Variants in ZSWIM5 observed in about 807,000 individuals in gnomAD.
ZSWIM5 encodes the protein zinc finger SWIM-type containing 5.
In ZSWIM5, 55 loss-of-function variants were observed where a neutral mutation model predicts 119.6. The ratio of observed to expected loss-of-function variants is 0.46; its 90% CI spans 0.37 to 0.58. The LOEUF is 0.58. Among genes scored for constraint, ZSWIM5 ranks in the 20% least tolerant of loss-of-function variants. The pLI is 0.00. For missense variants in ZSWIM5, 1,193 were observed against 1,512.8 expected, an observed-to-expected ratio of 0.79 and a Z score of 3.51; for synonymous variants, 537 against 606.9, an observed-to-expected ratio of 0.88 and a Z score of 1.69.
At position 45,032,765 on chromosome 1, in the gene ZSWIM5, G is replaced by A. The variant is rs796971888; in HGVS notation, c.2449+1547C>T. 1.3e-4 allele frequency among the ~76,000 whole-genome samples: 19 copies of A among 151,680 alleles called. 1 individual carries two copies. The highest frequency in any genetic ancestry group is 4.4e-4 in the African/African-American group (18 of 41,358). On this transcript the variant is annotated intron_variant, in intron 11 of 13. Transcript: ENST00000359600. ...GCCTCCTAAAGTGCTAGGATTATAGGTGTGAGCCACCGTGCCTGGCCTGAT... is the reference window on the plus strand; with the variant it reads ...GCCTCCTAAAGTGCTAGGATTATAGATGTGAGCCACCGTGCCTGGCCTGAT...
At position 45,019,080 on chromosome 1, in the gene ZSWIM5, T is replaced by C. The variant is rs1644872014; in HGVS notation, c.2932A>G (p.Ile978Val). Residue 978 changes from isoleucine to valine, a missense_variant, in exon 14 of 14, where the codon ATT becomes GTT. Ile to Val is a conservative substitution (Grantham distance 29). Coordinates refer to ENST00000359600, the MANE Select transcript of ZSWIM5 (RefSeq NM_020883.2). This position sits in a 1 kb window ranked among gnomAD's most constrained non-coding sequence, Gnocchi z 5.0. ...ATCTGGTAGGCTGCCTCAAAGGCAA[T>C]GTGGTCTTTCTCACAGAGTGTAAGG... ...SALTLCEKDH[I>V]AFEAAYQIAI... is the part of the protein sequence containing the mutation. The C allele has an allele frequency of 6.2e-7, 1 of 1,614,140 alleles. No individual in the cohort carries two copies. Among genetic ancestry groups the C allele is most frequent in the African/African-American group, 1.3e-5 (1 of 75,028 alleles).
At chr1:45,069,382 T>C (rs998898852) in intron 2 of ZSWIM5, among the ~76,000 whole-genome samples, 14 of 150,650 alleles carry the variant, frequency 9.3e-5, no homozygotes, top group Non-Finnish European at 8.8e-5. Context: ...GCCAAGATCG[T>C]GCCACTGCAC....
chr1:45,180,562 C>G (rs1646010592), intron 1 of ZSWIM5, among the ~76,000 whole-genome samples: 1 of 152,180 alleles, frequency 6.6e-6, no homozygotes, highest in Non-Finnish European at 1.5e-5. Context: ...CCCTGTCTGA[C>G]AGCTTTAAGG....
intron 1 of ZSWIM5, among the ~76,000 whole-genome samples, chr1:45,191,892 C>T (rs879803796): frequency 6.6e-6 from 1 of 152,164 alleles, no homozygotes; most frequent in Non-Finnish European, 1.5e-5. Context: ...TTGAGAGGTA[C>T]ACAACTTTGA....
intron 2 of ZSWIM5, 64 bp from the exon 3 acceptor site, chr1:45,060,311 G>C: frequency 6.4e-7 from 1 of 1,558,622 alleles, no homozygotes; most frequent in Non-Finnish European, 8.7e-7. Context: ...TCAGCTGGAG[G>C]GGCACTTTGT....
At chr1:45,162,121 T>C (rs901419058) in intron 1 of ZSWIM5, among the ~76,000 whole-genome samples, 1 of 152,228 alleles carries the variant, frequency 6.6e-6, no homozygotes, top group African/African-American at 2.4e-5. Flanking sequence ...ACCATACTTG[T>C]TATTAAAAAG....
intron 1 of ZSWIM5, among the ~76,000 whole-genome samples, chr1:45,107,292 T>C (rs545574320): frequency 3.9e-5 from 6 of 152,210 alleles, no homozygotes; most frequent in African/African-American, 9.6e-5. Context: ...TGAGAGGCAT[T>C]TGTCTGGAAA....
At chr1:45,117,335 A>G (rs1302757095) in intron 1 of ZSWIM5, among the ~76,000 whole-genome samples, 1 of 152,132 alleles carries the variant, frequency 6.6e-6, no homozygotes, top group Non-Finnish European at 1.5e-5. Flanking sequence ...CAAATCCTAT[A>G]TAACTCTCCC....
intron 1 of ZSWIM5, among the ~76,000 whole-genome samples, chr1:45,175,424 T>C (rs557048857): frequency 2.0e-5 from 3 of 152,140 alleles, no homozygotes; most frequent in South Asian, 4.2e-4. Flanking sequence ...GCCAATATAC[T>C]CATCAAATTT....
At chr1:45,178,031 G>A (rs993011343) in intron 1 of ZSWIM5, among the ~76,000 whole-genome samples, 5 of 149,782 alleles carry the variant, frequency 3.3e-5, no homozygotes, top group African/African-American at 9.8e-5. Flanking sequence ...CACTACACCC[G>A]GCCTTATGTG....
At chr1:45,070,536 T>A (rs1645215667) in intron 2 of ZSWIM5, 1 of 561,236 alleles carries the variant, frequency 1.8e-6, no homozygotes, top group African/African-American at 1.9e-5. Context: ...GATTTTTTTC[T>A]GTTCTTTGCA....
At position 45,044,745 on chromosome 1, in the gene ZSWIM5, AAATATATATAT is replaced by A. The variant is rs1645038911; in HGVS notation, c.1433-1361_1433-1351del. Reference sequence around the variant, plus strand: ...TCTCAAAAAAAAAAAAAAAAAAAAAAAATATATATATATATATATATATATATATAAATATA... The same window carrying A: ...TCTCAAAAAAAAAAAAAAAAAAAAAAATATATATATATATATATAAATATA... On this transcript the variant is annotated intron_variant, in intron 5 of 13. Transcript: ENST00000359600. 7.6e-4 allele frequency among the ~76,000 whole-genome samples: 4 copies of A among 5,254 alleles called. 1 individual carries two copies. The highest frequency in any genetic ancestry group is 1.7e-3 in the African/African-American group (4 of 2,286). The allele number at this position is 5,254 out of a possible 152,430, so 3.4% of individuals were successfully genotyped here. A position where few individuals can be genotyped will look rare whatever the true frequency, so the allele number is the denominator to read the frequency against.
chr1:45,149,674 T>C (rs912948449), intron 1 of ZSWIM5, among the ~76,000 whole-genome samples: 1 of 152,216 alleles, frequency 6.6e-6, no homozygotes, highest in Non-Finnish European at 1.5e-5. Context: ...AACAGGCTCA[T>C]TACCCATTGC....
intron 1 of ZSWIM5, among the ~76,000 whole-genome samples, chr1:45,178,915 T>C (rs957451795): frequency 6.6e-6 from 1 of 152,058 alleles, no homozygotes; most frequent in Non-Finnish European, 1.5e-5. Flanking sequence ...AATAAGATAC[T>C]ATTTAAAATT....
chr1:45,130,087 AG>A (rs1347816669), intron 1 of ZSWIM5, among the ~76,000 whole-genome samples: 26 of 152,198 alleles, frequency 1.7e-4, no homozygotes, highest in African/African-American at 5.8e-4. Context: ...TAGTAGAGAC[AG>A]GGTTTCGCCA....
intron 5 of ZSWIM5, among the ~76,000 whole-genome samples, chr1:45,046,751 C>T (rs759532675): frequency 6.6e-6 from 1 of 151,648 alleles, no homozygotes; most frequent in African/African-American, 2.4e-5. Context: ...GGTAGCCAGG[C>T]GCGGTGGCTC....
At chr1:45,037,070 G>A (rs1644989447) in intron 8 of ZSWIM5, among the ~76,000 whole-genome samples, 1 of 151,036 alleles carries the variant, frequency 6.6e-6, no homozygotes, top group African/African-American at 2.4e-5. Flanking sequence ...CAAAATGCTG[G>A]GATTATAGGC....
intron 1 of ZSWIM5, among the ~76,000 whole-genome samples, chr1:45,176,548 AG>A (rs1245834388): frequency 2.0e-5 from 3 of 152,150 alleles, no homozygotes; most frequent in Non-Finnish European, 2.9e-5. Context: ...TACAGGCATG[AG>A]CCACCGCGCC....
At chr1:45,179,775 C>A (rs1387825136) in intron 1 of ZSWIM5, among the ~76,000 whole-genome samples, 2 of 152,096 alleles carry the variant, frequency 1.3e-5, no homozygotes, top group Non-Finnish European at 2.9e-5. Context: ...CAGAACCTGA[C>A]AAAAGGGACT....
Sources: allele counts gnomAD v4.1 joint callset (sites outside exome capture counted in the v4.1 genomes callset), GRCh38; gene constraint gnomAD v4.1.1; non-coding constraint Gnocchi (gnomAD v3.1); transcripts MANE v1.5; gene names NCBI Gene and HGNC (gene_info 2026-07-23, HGNC 2026-07-21).